Variants in TNFSF4 observed in about 807,000 individuals in gnomAD.
TNFSF4 encodes tumor necrosis factor ligand superfamily member 4.
A neutral mutation model predicts 7.3 loss-of-function variants in TNFSF4; 4 were observed. The observed-to-expected ratio is 0.55, with a 90% CI of 0.27 to 1.25. The LOEUF (loss-of-function observed/expected upper bound fraction) is 1.25, where lower values mean the gene tolerates loss of function less well. TNFSF4 is among the 50% of genes most tolerant of loss of function. The pLI is 0.12. For synonymous variants in TNFSF4, 76 were observed against 83.7 expected (o/e 0.91, Z 0.50); for missense variants, 181 against 208.8 (o/e 0.87, Z 0.82).
At chr1:173,316,269 G>C in the TNFSF4 span, among the ~76,000 whole-genome samples, 1 of 152,096 alleles carries the variant, frequency 6.6e-6, no homozygotes, top group African/African-American at 2.4e-5. Flanking sequence ...ATAATCATCT[G>C]ACTGTAGATA....
chr1:173,256,389 T>C, the TNFSF4 span, among the ~76,000 whole-genome samples: 6 of 152,240 alleles, frequency 3.9e-5, no homozygotes, highest in Admixed American at 2.6e-4. Flanking sequence ...TGATCTCACA[T>C]GGCAGAGAGA....
the TNFSF4 span, among the ~76,000 whole-genome samples, chr1:173,285,216 T>G: frequency 6.6e-6 from 1 of 152,066 alleles, no homozygotes; most frequent in Non-Finnish European, 1.5e-5. Flanking sequence ...GTGGTAGAAA[T>G]AGCAAGAGAG....
chr1:173,301,867 C>T, the TNFSF4 span, among the ~76,000 whole-genome samples: 1 of 141,094 alleles, frequency 7.1e-6, no homozygotes, highest in Non-Finnish European at 1.5e-5. Flanking sequence ...CATGTCTTCT[C>T]ATTTACCACT....
At chr1:173,340,400 CT>C in the TNFSF4 span, among the ~76,000 whole-genome samples, 1 of 151,268 alleles carries the variant, frequency 6.6e-6, no homozygotes, top group Non-Finnish European at 1.5e-5. Flanking sequence ...CTGGAGAACC[CT>C]GATTACTATA....
downstream of TNFSF4, among the ~76,000 whole-genome samples, chr1:173,180,071 T>C (rs1421258864): frequency 6.6e-6 from 1 of 152,216 alleles, no homozygotes; most frequent in Non-Finnish European, 1.5e-5. Flanking sequence ...GATTTTTTCT[T>C]TCAAATTATA....
downstream of TNFSF4, among the ~76,000 whole-genome samples, chr1:173,181,642 C>G (rs1022004482): frequency 7.2e-5 from 11 of 152,150 alleles, no homozygotes; most frequent in Non-Finnish European, 1.3e-4. Context: ...TAAGGCAGTT[C>G]CCTCCCTGAA....
At chr1:173,191,871 C>T (rs184618067) in intron 1 of TNFSF4, among the ~76,000 whole-genome samples, 60 of 152,246 alleles carry the variant, frequency 3.9e-4, no homozygotes, top group African/African-American at 1.2e-3. Flanking sequence ...GCACATGGTA[C>T]GTGGTAAGCA....
the TNFSF4 span, among the ~76,000 whole-genome samples, chr1:173,308,281 C>G: frequency 2.9e-5 from 4 of 138,778 alleles, no homozygotes; most frequent in African/African-American, 5.5e-5. Context: ...CTCTCTCTCT[C>G]TCTCTGTGTG....
the TNFSF4 span, chr1:173,363,031 CTA>C: frequency 1.0e-5 from 4 of 381,194 alleles, no homozygotes; most frequent in South Asian, 1.0e-4. Flanking sequence ...AATAATAAGT[CTA>C]TTTGTTTCTA....
the TNFSF4 span, among the ~76,000 whole-genome samples, chr1:173,254,962 A>C: frequency 2.0e-5 from 3 of 152,246 alleles, no homozygotes; most frequent in Admixed American, 6.5e-5. Flanking sequence ...ACTTGGCTGC[A>C]CATTAAAGAC....
At chr1:173,211,243 A>G (rs1650365416), upstream of TNFSF4, among the ~76,000 whole-genome samples, 1 of 152,224 alleles carries the variant, frequency 6.6e-6, no homozygotes, top group Non-Finnish European at 1.5e-5. Context: ...GTGATGTCGG[A>G]GGTGACAGAA....
At chr1:173,374,303 A>C in the TNFSF4 span, among the ~76,000 whole-genome samples, 2 of 152,162 alleles carry the variant, frequency 1.3e-5, no homozygotes, top group African/African-American at 4.8e-5. Context: ...AGTTGTTCCA[A>C]CCAGGAGATC....
chr1:173,356,971 G>A, the TNFSF4 span, among the ~76,000 whole-genome samples: 1 of 152,136 alleles, frequency 6.6e-6, no homozygotes, highest in South Asian at 2.1e-4. Context: ...ATACCTGATT[G>A]ATGATAAGAT....
the TNFSF4 span, among the ~76,000 whole-genome samples, chr1:173,391,306 T>TTCCGTCTC: frequency 6.9e-5 from 4 of 58,090 alleles, no homozygotes; most frequent in Admixed American, 2.0e-4. Flanking sequence ...TTCTCTTTCT[T>TTCCGTCTC]TCTGTCTCTC....
At chr1:173,327,341 C>A in the TNFSF4 span, among the ~76,000 whole-genome samples, 1 of 152,228 alleles carries the variant, frequency 6.6e-6, no homozygotes, top group South Asian at 2.1e-4. Context: ...ACACCTTATA[C>A]AAAAATTAAT....
the TNFSF4 span, among the ~76,000 whole-genome samples, chr1:173,286,854 A>C: frequency 2.0e-5 from 3 of 152,186 alleles, no homozygotes; most frequent in Admixed American, 2.0e-4. Flanking sequence ...ACAAAGAATT[A>C]TTATTTAGAA....
At chr1:173,235,715 C>A in the TNFSF4 span, among the ~76,000 whole-genome samples, 1 of 152,138 alleles carries the variant, frequency 6.6e-6, no homozygotes, top group Non-Finnish European at 1.5e-5. Context: ...AGGTGTATAA[C>A]CTTTTAAAAA....
chr1:173,416,130 G>C, the TNFSF4 span, among the ~76,000 whole-genome samples: 1 of 152,178 alleles, frequency 6.6e-6, no homozygotes, highest in Non-Finnish European at 1.5e-5. Flanking sequence ...GTTGGTCCTT[G>C]TCTCTAAAGG....
chr1:173,324,506 C>T, the TNFSF4 span, among the ~76,000 whole-genome samples: 1 of 152,176 alleles, frequency 6.6e-6, no homozygotes, highest in South Asian at 2.1e-4. Context: ...CAAATTCACA[C>T]ATAAAAATAT....
Sources: gnomAD v4.1 joint callset for allele counts (sites outside exome capture counted in the v4.1 genomes callset) on GRCh38, gnomAD v4.1.1 for gene constraint, MANE v1.5 for transcripts, NCBI Gene and HGNC (gene_info 2026-07-23, HGNC 2026-07-21) for gene names.